Variants in C11orf65 observed in about 807,000 individuals in gnomAD.
C11orf65 encodes the protein chromosome 11 open reading frame 65.
A neutral mutation model predicts 35.3 loss-of-function variants in C11orf65; 38 were observed. The ratio of observed to expected loss-of-function variants is 1.08; its 90% CI spans 0.83 to 1.41. The LOEUF (loss-of-function observed/expected upper bound fraction) is 1.41, where lower values mean the gene tolerates loss of function less well. C11orf65 is among the 40% of genes most tolerant of loss of function. The pLI is 0.00. For missense variants in C11orf65, 370 were observed against 367.1 expected, an observed-to-expected ratio of 1.01 and a Z score of -0.06; for synonymous variants, 105 against 114.4, an observed-to-expected ratio of 0.92 and a Z score of 0.53.
At chr11:108,373,225 C>T (rs1422997447) in intron 2 of C11orf65, among the ~76,000 whole-genome samples, 1 of 152,160 alleles carries the variant, frequency 6.6e-6, no homozygotes, top group Non-Finnish European at 1.5e-5. Context: ...TCCAGATTGA[C>T]TCAATCAATG....
chr11:108,444,032 C>T (rs1000891992), intron 2 of C11orf65, among the ~76,000 whole-genome samples: 1 of 152,030 alleles, frequency 6.6e-6, no homozygotes, highest in African/African-American at 2.4e-5. Context: ...AATCCAGGAG[C>T]TGGGTTTTTA....
At chr11:108,437,435 G>C (rs1317965426) in intron 2 of C11orf65, among the ~76,000 whole-genome samples, 2 of 152,144 alleles carry the variant, frequency 1.3e-5, no homozygotes, top group African/African-American at 2.4e-5. Context: ...GCTGGGTGCA[G>C]TGGCTCACGC....
chr11:108,424,923 C>T (rs559242519), intron 3 of C11orf65, among the ~76,000 whole-genome samples: 16 of 152,112 alleles, frequency 1.1e-4, no homozygotes, highest in South Asian at 2.1e-4. Flanking sequence ...AATAACGAAA[C>T]GAAGGCAGAA....
chr11:108,386,794 G>A (rs1013709018), intron 7 of C11orf65, among the ~76,000 whole-genome samples: 3 of 152,138 alleles, frequency 2.0e-5, no homozygotes, highest in Middle Eastern at 3.2e-3. Flanking sequence ...GAACTGTCAC[G>A]TAATTGGCTG....
At chr11:108,466,719 ATTT>A (rs1179122722) in intron 1 of C11orf65, among the ~76,000 whole-genome samples, 3 of 152,246 alleles carry the variant, frequency 2.0e-5, no homozygotes, top group African/African-American at 7.2e-5. Context: ...AATCAATAAA[ATTT>A]TTTATCATAA....
chr11:108,321,388 A>G lies in C11orf65; in HGVS notation c.641-12317T>C, dbSNP rs767516615. On this transcript the variant is annotated intron_variant, in intron 6 of 6. Transcript: ENST00000525729. ...CACTTAGCAGGTTGCAGGCCATTGG[A>G]GAGCTGGAAAGCATTGGGGAGCTTT... 1.2e-6 allele frequency: 2 copies of G among 1,614,188 alleles called. No individual in the cohort carries two copies. The highest frequency in any genetic ancestry group is 4.5e-5 in the East Asian group (2 of 44,878).
intron 7 of C11orf65, among the ~76,000 whole-genome samples, chr11:108,391,981 T>A (rs2092172875): frequency 6.6e-6 from 1 of 151,480 alleles, no homozygotes; most frequent in South Asian, 2.1e-4. Context: ...CTCAAATTCC[T>A]AGGCTCAAGC....
At chr11:108,465,759 C>T (rs575207163) in intron 1 of C11orf65, among the ~76,000 whole-genome samples, 6 of 151,440 alleles carry the variant, frequency 4.0e-5, no homozygotes, top group East Asian at 1.9e-4. Flanking sequence ...CCAAGGTGGG[C>T]GGATCATCTG....
chr11:108,442,524 C>T (rs537553342), intron 2 of C11orf65, among the ~76,000 whole-genome samples: 1 of 152,242 alleles, frequency 6.6e-6, no homozygotes, highest in South Asian at 2.1e-4. Context: ...ACATAATTGT[C>T]AGATTCACCA....
chr11:108,412,006 C>T (rs1480707932), intron 3 of C11orf65, among the ~76,000 whole-genome samples: 1 of 152,036 alleles, frequency 6.6e-6, no homozygotes, highest in African/African-American at 2.4e-5. Flanking sequence ...GAATGCCTGA[C>T]CTCAAGTTAT....
chr11:108,315,940 T>C, intron 6 of C11orf65: 1 of 1,606,652 alleles, frequency 6.2e-7, no homozygotes, highest in Middle Eastern at 1.7e-4. Context: ...AACAACGGTA[T>C]AGTAATTCTG....
At chr11:108,354,944 C>A in intron 2 of C11orf65, 2 of 1,287,518 alleles carry the variant, frequency 1.6e-6, no homozygotes, top group South Asian at 1.2e-5. Flanking sequence ...ATCAGGAAGT[C>A]ACTGATGTGA....
At position 108,385,988 on chromosome 11, in the gene C11orf65, T is replaced by TA. The variant is rs1191157635; in HGVS notation, c.732-14dup. 1.9e-6 allele frequency: 3 copies of TA among 1,607,268 alleles called. No homozygotes were observed. The African/African-American group carries it at 4.0e-5, about 21-fold the overall frequency. Reference sequence around the variant, plus strand: ...GCTGGCAATGTACCTAAGCACATTATATGAGGATTCATTAAATTTAATCGA... The same window carrying TA: ...GCTGGCAATGTACCTAAGCACATTATAATGAGGATTCATTAAATTTAATCGA... On this transcript the variant is annotated splice_polypyrimidine_tract_variant and intron_variant, in intron 7 of 8. Coordinates refer to ENST00000393084, the MANE Select transcript of C11orf65 (RefSeq NM_152587.5).
At chr11:108,355,805 A>G (rs1233331754) in intron 2 of C11orf65, 7 of 152,256 alleles carry the variant, frequency 4.6e-5, no homozygotes, top group Non-Finnish European at 1.0e-4. Context: ...ATTCATTGGC[A>G]TTAACCATTA....
chr11:108,320,410 GT>G (rs1013143932), intron 6 of C11orf65, among the ~76,000 whole-genome samples: 8 of 152,124 alleles, frequency 5.3e-5, no homozygotes, highest in Non-Finnish European at 1.2e-4. Context: ...TTACAAACTT[GT>G]TTTGAGGCAC....
chr11:108,455,283 T>A (rs763874512), intron 2 of C11orf65, among the ~76,000 whole-genome samples: 1 of 152,114 alleles, frequency 6.6e-6, no homozygotes, highest in Non-Finnish European at 1.5e-5. Context: ...ACATACAAAT[T>A]GAAAAGGAAG....
At chr11:108,335,770 G>T in intron 2 of C11orf65, 4 of 1,198,890 alleles carry the variant, frequency 3.3e-6, no homozygotes, top group Non-Finnish European at 4.9e-6. Context: ...AGTGCCCTTT[G>T]CTATTCTCAG....
intron 2 of C11orf65, among the ~76,000 whole-genome samples, chr11:108,445,623 T>G (rs1034960432): frequency 5.3e-5 from 8 of 152,012 alleles, no homozygotes; most frequent in Non-Finnish European, 2.9e-5. Flanking sequence ...CCCATCTGTA[T>G]GTCACCATAA....
intron 3 of C11orf65, among the ~76,000 whole-genome samples, chr11:108,423,091 A>G (rs765776444): frequency 2.0e-5 from 3 of 152,216 alleles, no homozygotes; most frequent in Non-Finnish European, 4.4e-5. Context: ...CCCAACCTGC[A>G]CACCAGGAGA....
Sources: gnomAD v4.1 joint callset for allele counts (sites outside exome capture counted in the v4.1 genomes callset) on GRCh38, gnomAD v4.1.1 for gene constraint, MANE v1.5 for transcripts, NCBI Gene and HGNC (gene_info 2026-07-23, HGNC 2026-07-21) for gene names.